The following DYM variants were observed in gnomAD, a reference collection of about 807,000 sequenced individuals.
DYM encodes dymeclin.
Under a neutral mutation model 93.1 loss-of-function variants are expected in DYM, and 78 were observed. That is an observed-to-expected ratio of 0.84 (90% CI 0.70 to 1.01). The LOEUF (loss-of-function observed/expected upper bound fraction) is 1.01. Among genes scored for constraint, DYM ranks in the 50% least tolerant of loss-of-function variants. The pLI is 0.00. For synonymous variants in DYM, 321 were observed against 319.7 expected (o/e 1.00, Z -0.04); for missense variants, 789 against 845.0 (o/e 0.93, Z 0.82).
chr18:49,434,083 C>T (rs551049751), intron 1 of DYM, among the ~76,000 whole-genome samples: 9 of 152,092 alleles, frequency 5.9e-5, no homozygotes, highest in East Asian at 5.8e-4. Flanking sequence ...CGGTGGCTCA[C>T]GCCTATAATC....
intron 16 of DYM, among the ~76,000 whole-genome samples, chr18:49,109,047 G>A (rs983109885): frequency 6.7e-6 from 1 of 150,062 alleles, no homozygotes; most frequent in Non-Finnish European, 1.5e-5. Flanking sequence ...TTTTATTAAT[G>A]CTTACGTAGT....
intron 17 of DYM, among the ~76,000 whole-genome samples, chr18:49,065,747 T>C: frequency 6.6e-6 from 1 of 152,170 alleles, no homozygotes; most frequent in East Asian, 1.9e-4. Context: ...CTTATAAAAT[T>C]ATCACTAAAA....
chr18:49,317,551 T>TTGTCTCTCTCTCTCTCTCTC lies in DYM; in HGVS notation c.763+14312_763+14313insGAGAGAGAGAGAGAGAGACA, dbSNP rs1555690209. ...TGCCCTAGTCCTTAGCCATCTAGAT[T>TTGTCTCTCTCTCTCTCTCTC]TCTCTCTCTCTCTCTCTCTCTCTCT... On this transcript the variant is annotated intron_variant, in intron 8 of 17. Transcript: ENST00000675505. Among the ~76,000 whole-genome samples, 18 of 29,370 alleles carry TTGTCTCTCTCTCTCTCTCTC rather than the reference T, an allele frequency of 6.1e-4. 4 individuals are homozygous for TTGTCTCTCTCTCTCTCTCTC. Among genetic ancestry groups the TTGTCTCTCTCTCTCTCTCTC allele is most frequent in the South Asian group, 4.8e-3 (3 of 620 alleles). The allele number at this position is 29,370 out of a possible 152,430, so 19.3% of individuals were successfully genotyped here.
intron 16 of DYM, among the ~76,000 whole-genome samples, chr18:49,099,999 A>G (rs773702486): frequency 2.6e-5 from 4 of 152,162 alleles, no homozygotes; most frequent in African/African-American, 4.8e-5. Context: ...AGATACTGTA[A>G]CCAGGAACAC....
intron 17 of DYM, among the ~76,000 whole-genome samples, chr18:49,052,491 T>C (rs1013325697): frequency 2.6e-5 from 4 of 152,204 alleles, no homozygotes; most frequent in African/African-American, 9.7e-5. Context: ...GAAATGTCAG[T>C]CTGAATGTCA....
chr18:49,056,869 T>C (rs1278379851), intron 17 of DYM, among the ~76,000 whole-genome samples: 1 of 152,214 alleles, frequency 6.6e-6, no homozygotes, highest in East Asian at 1.9e-4. Flanking sequence ...TTTTTGTATT[T>C]TTTGTAAAGA....
intron 5 of DYM, among the ~76,000 whole-genome samples, chr18:49,373,598 T>A (rs949987713): frequency 6.6e-6 from 1 of 152,198 alleles, no homozygotes; most frequent in Non-Finnish European, 1.5e-5. Flanking sequence ...GCCAACTTCC[T>A]ATCTCATTCT....
At chr18:49,109,073 C>T (rs1305948881) in intron 16 of DYM, among the ~76,000 whole-genome samples, 4 of 150,562 alleles carry the variant, frequency 2.7e-5, no homozygotes, top group East Asian at 1.9e-4. Flanking sequence ...TTATTTTATC[C>T]TTTTGCTTTT....
At chr18:49,193,820 T>G (rs1038619587) in intron 14 of DYM, among the ~76,000 whole-genome samples, 1 of 152,220 alleles carries the variant, frequency 6.6e-6, no homozygotes, top group African/African-American at 2.4e-5. Context: ...TCTTCATCTT[T>G]TATAACATAG....
At chr18:49,388,464 C>A (rs539348257) in intron 3 of DYM, among the ~76,000 whole-genome samples, 5 of 151,870 alleles carry the variant, frequency 3.3e-5, no homozygotes, top group African/African-American at 1.2e-4. Flanking sequence ...ATATGGGACA[C>A]AATGGAAACA....
At chr18:49,060,437 A>G (rs756474678) in intron 17 of DYM, among the ~76,000 whole-genome samples, 6 of 151,832 alleles carry the variant, frequency 4.0e-5, no homozygotes, top group Admixed American at 1.3e-4. Context: ...AGTGCCCAGT[A>G]TCTGCCTGCT....
chr18:49,223,655 C>T (rs1307580989), intron 13 of DYM, among the ~76,000 whole-genome samples: 1 of 151,986 alleles, frequency 6.6e-6, no homozygotes, highest in Non-Finnish European at 1.5e-5. Context: ...CAAAGTACTA[C>T]AGATGAAACT....
intron 15 of DYM, among the ~76,000 whole-genome samples, chr18:49,119,412 T>A (rs763171015): frequency 2.6e-5 from 4 of 152,198 alleles, no homozygotes; most frequent in African/African-American, 4.8e-5. Flanking sequence ...TGTTTCCTCA[T>A]AATGAATAGT....
chr18:49,297,462 G>T (rs2060633464), intron 8 of DYM, among the ~76,000 whole-genome samples: 1 of 152,128 alleles, frequency 6.6e-6, no homozygotes, highest in African/African-American at 2.4e-5. Flanking sequence ...GTTCTGGAGT[G>T]CTGGAATTAT....
intron 10 of DYM, among the ~76,000 whole-genome samples, chr18:49,274,127 A>G (rs910776834): frequency 5.9e-5 from 9 of 152,150 alleles, no homozygotes; most frequent in African/African-American, 1.7e-4. Context: ...ATTATCTCAA[A>G]AACAAACCCC....
intron 8 of DYM, among the ~76,000 whole-genome samples, chr18:49,318,623 C>G (rs961582500): frequency 6.7e-6 from 1 of 150,226 alleles, no homozygotes; most frequent in Non-Finnish European, 1.5e-5. Context: ...TCTGTCCCCC[C>G]ACAAAAAAGA....
At chr18:49,062,295 G>A (rs769434009) in intron 17 of DYM, among the ~76,000 whole-genome samples, 6 of 152,164 alleles carry the variant, frequency 3.9e-5, no homozygotes, top group Non-Finnish European at 8.8e-5. Context: ...CAATGGCTTA[G>A]GAACAAGGGC....
chr18:49,082,557 C>T (rs1248257310), intron 17 of DYM, among the ~76,000 whole-genome samples: 3 of 152,024 alleles, frequency 2.0e-5, no homozygotes, highest in Non-Finnish European at 2.9e-5. Context: ...GAAAACACAA[C>T]AATTAACTTA....
chr18:49,097,915 A>G (rs1004608972), intron 16 of DYM, among the ~76,000 whole-genome samples: 29 of 114,108 alleles, frequency 2.5e-4, no homozygotes, highest in Admixed American at 1.5e-3. Flanking sequence ...CTCTCTCTCA[A>G]AAGGGCTTAA....
Sources: allele counts gnomAD v4.1 joint callset (sites outside exome capture counted in the v4.1 genomes callset), GRCh38; gene constraint gnomAD v4.1.1; transcripts MANE v1.5; gene names NCBI Gene and HGNC (gene_info 2026-07-23, HGNC 2026-07-21).